CNOT10: variants seen among roughly 807,000 people sequenced by gnomAD.
CNOT10 encodes the protein CCR4-NOT transcription complex subunit 10.
CNOT10 carries 30 observed loss-of-function variants against 94.6 expected under a neutral mutation model. That is an observed-to-expected ratio of 0.32 (90% CI 0.24 to 0.43). CNOT10 has a LOEUF of 0.43. Ranked by LOEUF, CNOT10 falls within the 20% of genes least tolerant of loss-of-function variation. The pLI is 1.00. For synonymous variants in CNOT10, 289 were observed against 301.6 expected (o/e 0.96, Z 0.43); for missense variants, 759 against 877.2 (o/e 0.87, Z 1.70).
intron 3 of CNOT10, among the ~76,000 whole-genome samples, chr3:32,706,251 A>C (rs1359230444): frequency 4.6e-5 from 7 of 152,242 alleles, no homozygotes; most frequent in Non-Finnish European, 8.8e-5. Context: ...ATAATCTAGT[A>C]CATGCACCCT....
At chr3:32,720,859 C>CCCTTCCTCCCTTCCTTCCTTCCTT (rs1169334696) in intron 8 of CNOT10, among the ~76,000 whole-genome samples, 1 of 137,882 alleles carries the variant, frequency 7.3e-6, no homozygotes, top group Non-Finnish European at 1.6e-5. Flanking sequence ...CTCCCTTCCT[C>CCCTTCCTCCCTTCCTTCCTTCCTT]CCTTCCCTCC....
chr3:32,704,977 T>TA lies in CNOT10; in HGVS notation c.279+6dup, dbSNP rs1697547899. On this transcript the variant is annotated splice_donor_region_variant and intron_variant, in intron 3 of 18. Coordinates refer to ENST00000328834, the MANE Select transcript of CNOT10 (RefSeq NM_015442.3). ...CTTAACCAGCTGAAGAATCAGGTGA[T>TA]ACATAAATGAATTTAACTATAAAAA... The TA allele has an allele frequency of 6.7e-7, 1 of 1,494,912 alleles. No homozygotes were observed. The highest frequency in any genetic ancestry group is 8.9e-7 in the Non-Finnish European group (1 of 1,125,948). The allele number at this position is 1,494,912 out of a possible 1,614,324, so 92.6% of individuals were successfully genotyped here.
chr3:32,752,814 A>T lies in CNOT10; in HGVS notation c.1596-6644A>T, dbSNP rs184843733. On this transcript the variant is annotated intron_variant, in intron 13 of 18. Transcript: ENST00000328834. The stretch of plus-strand genomic sequence containing the variant: ...AACATGGAGAAACCCCTTCTCTACT[A>T]AAAATACAAAAATTGAGAAGTTTCC... The T allele has an allele frequency of 6.2e-5, 14 of 225,408 alleles. No individual in the cohort carries two copies. The East Asian group carries it at 1.9e-3, about 31-fold the overall frequency. 14.0% of individuals were successfully genotyped at this position (225,408 alleles called of 1,614,324 possible).
rs370763516 is a variant in CNOT10 at position 32,723,886 on chromosome 3, GC to G, written c.863-1562del. Among the ~76,000 whole-genome samples the G allele has an allele frequency of 3.3e-3, 506 of 152,238 alleles. 1 individual carries two copies. Among genetic ancestry groups the G allele is most frequent in the Non-Finnish European group, 5.4e-3 (369 of 68,004 alleles). On this transcript the variant is annotated intron_variant, in intron 8 of 18. Coordinates refer to ENST00000328834, the MANE Select transcript of CNOT10 (RefSeq NM_015442.3). ...ACTTGATTCCAGGAGTTTGCGACCA[GC>G]CTGAGCAACACAGGGACCCTGTCTC... is the stretch of plus-strand genomic sequence containing the variant.
At chr3:32,742,654 T>A (rs1198145560) in intron 13 of CNOT10, among the ~76,000 whole-genome samples, 1 of 152,194 alleles carries the variant, frequency 6.6e-6, no homozygotes, top group Non-Finnish European at 1.5e-5. Flanking sequence ...AGTGCTGAGA[T>A]CATAGGCGTG....
chr3:32,692,340 C>T (rs1432009201), intron 1 of CNOT10, among the ~76,000 whole-genome samples: 1 of 152,136 alleles, frequency 6.6e-6, no homozygotes, highest in Non-Finnish European at 1.5e-5. Context: ...AAGGAATCCT[C>T]CCAGCTTGGT....
chr3:32,750,012 T>G (rs1699887842), intron 13 of CNOT10, among the ~76,000 whole-genome samples: 1 of 150,814 alleles, frequency 6.6e-6, no homozygotes, highest in South Asian at 2.1e-4. Flanking sequence ...AGTCCAGGAG[T>G]TCAAGATCAG....
chr3:32,753,149 A>G (rs952310359), intron 13 of CNOT10: 7 of 603,758 alleles, frequency 1.2e-5, no homozygotes, highest in African/African-American at 5.5e-5. Context: ...TTCCACCACT[A>G]TGTTGAGAAA....
At chr3:32,722,235 A>G (rs1055053036) in intron 8 of CNOT10, among the ~76,000 whole-genome samples, 5 of 152,198 alleles carry the variant, frequency 3.3e-5, no homozygotes, top group Non-Finnish European at 7.3e-5. Flanking sequence ...ACATGCAAAC[A>G]TACTGAGACC....
In CNOT10 at chr3:32,703,912, A is replaced by T; in HGVS notation, c.67A>T (p.Ile23Phe). 6.2e-7 allele frequency: 1 copy of T among 1,613,968 alleles called. No homozygotes were observed. The highest frequency in any genetic ancestry group is 8.5e-7 in the Non-Finnish European group (1 of 1,179,830). ...KHEGTGQSSG[I>F]TDQEKELSTN... The stretch of plus-strand genomic sequence containing the variant: ...TGAAGGCACAGGTCAGTCCTCTGGG[A>T]TCACTGATCAAGAGAAGGAGTTATC... The change falls in exon 2 of 19, where the codon ATC (isoleucine) becomes TTC (phenylalanine). Residue 23 changes from isoleucine (I) to phenylalanine (F), a missense_variant. Coordinates refer to ENST00000328834, the MANE Select transcript of CNOT10 (RefSeq NM_015442.3).
chr3:32,732,534 C>T (rs1023580581), intron 10 of CNOT10, among the ~76,000 whole-genome samples: 2 of 151,488 alleles, frequency 1.3e-5, no homozygotes, highest in Non-Finnish European at 2.9e-5. Context: ...TGCAGTGAGC[C>T]GAGATCATGC....
intron 13 of CNOT10, among the ~76,000 whole-genome samples, chr3:32,747,418 C>A (rs1046576648): frequency 6.6e-6 from 1 of 151,618 alleles, no homozygotes; most frequent in Admixed American, 6.6e-5. Context: ...AGTGAAACTC[C>A]GTCTCAATAA....
chr3:32,732,646 G>T (rs549292378), intron 10 of CNOT10, among the ~76,000 whole-genome samples: 2 of 151,776 alleles, frequency 1.3e-5, no homozygotes, highest in Admixed American at 6.6e-5. Flanking sequence ...TCACTATGTT[G>T]CCCAGGCTGG....
intron 6 of CNOT10, 35 bp from the exon 7 acceptor site, chr3:32,717,119 A>G (rs991740848): frequency 9.6e-6 from 12 of 1,247,604 alleles, no homozygotes; most frequent in Non-Finnish European, 1.3e-5. Context: ...TAAATCCACC[A>G]TAGTTTTAAC....
chr3:32,738,631 T>G (rs1430705443), intron 13 of CNOT10, among the ~76,000 whole-genome samples: 1 of 151,684 alleles, frequency 6.6e-6, no homozygotes, highest in African/African-American at 2.4e-5. Flanking sequence ...CAGGGCTAAT[T>G]TTTTGTATTT....
chr3:32,714,105 GGC>G (rs546149656), intron 5 of CNOT10, among the ~76,000 whole-genome samples: 152 of 152,144 alleles, frequency 1.0e-3, no homozygotes, highest in African/African-American at 3.3e-3. Flanking sequence ...TTTACAAAGT[GGC>G]TGCACTATTT....
rs1575292571 is a variant in CNOT10, at chr3:32,753,639, A to G, written c.1596-5819A>G. The G allele has an allele frequency of 7.0e-6, 11 of 1,571,904 alleles. No individual in the cohort carries two copies. The East Asian group carries it at 2.0e-4, about 29-fold the overall frequency. Reference sequence around the variant, plus strand: ...TAGCAGGTGTAAAGCACCTACATCCATCATCATCTCCTTATACAAGAAATT... The same window carrying G: ...TAGCAGGTGTAAAGCACCTACATCCGTCATCATCTCCTTATACAAGAAATT... On this transcript the variant is annotated intron_variant, in intron 13 of 18. Transcript: ENST00000328834.
chr3:32,759,996 C>A (rs952177823), intron 14 of CNOT10, among the ~76,000 whole-genome samples: 6 of 151,892 alleles, frequency 4.0e-5, no homozygotes, highest in Non-Finnish European at 8.8e-5. Flanking sequence ...GCCTGGCCAA[C>A]ATGGTGAAAC....
rs893226234 is a variant in CNOT10 at position 32,750,626 on chromosome 3, C to T, written c.1596-8832C>T. ...GGAGTGCACTGGCGCAATCTTGGCT[C>T]CTCCAACCTCCGCCTCCTGGGTTCA... On this transcript the variant is annotated intron_variant, in intron 13 of 18. Coordinates refer to ENST00000328834, the MANE Select transcript of CNOT10 (RefSeq NM_015442.3). Among the ~76,000 whole-genome samples the T allele has an allele frequency of 4.6e-5, 7 of 151,802 alleles. No individual in the cohort carries two copies. In the East Asian group the frequency reaches 9.8e-4, roughly 21 times the overall value.
Sources: allele counts gnomAD v4.1 joint callset (sites outside exome capture counted in the v4.1 genomes callset), GRCh38; gene constraint gnomAD v4.1.1; transcripts MANE v1.5; gene names NCBI Gene and HGNC (gene_info 2026-07-23, HGNC 2026-07-21).